DMD: variants seen among roughly 807,000 people sequenced by gnomAD.
The protein encoded by DMD is dystrophin, also known as mutant dystrophin.
A neutral mutation model predicts 330.1 loss-of-function variants in DMD; 63 were observed. The observed-to-expected ratio is 0.19, with a 90% CI of 0.16 to 0.24. The LOEUF is 0.24. Among genes scored for constraint, DMD ranks in the 10% least tolerant of loss-of-function variants. The pLI, the probability that DMD is intolerant of heterozygous loss-of-function variation, is 1.00. For missense variants in DMD, 3,344 were observed against 2,684.1 expected (o/e 1.25, Z -5.43); for synonymous variants, 1,223 against 959.8 (o/e 1.27, Z -5.07).
intron 44 of DMD, among the ~76,000 whole-genome samples, chrX:32,179,298 A>C (rs1226817620): frequency 1.8e-5 from 2 of 111,517 alleles, no homozygotes; most frequent in African/African-American, 6.5e-5. Context: ...TTCTTCCTTT[A>C]GTAACGAAAA....
chrX:32,951,714 T>A (rs1413350785), intron 2 of DMD, among the ~76,000 whole-genome samples: 2 of 111,874 alleles, frequency 1.8e-5, no homozygotes, highest in African/African-American at 6.5e-5. Context: ...AGGACTAATT[T>A]GCAATGATCT....
chrX:32,117,920 C>T (rs1438080759), intron 44 of DMD, among the ~76,000 whole-genome samples: 1 of 111,398 alleles, frequency 9.0e-6, no homozygotes, highest in African/African-American at 3.3e-5. Flanking sequence ...CTGGGCAGAA[C>T]AGAATCTCAG....
chrX:32,216,643 C>T (rs183045830), intron 44 of DMD, among the ~76,000 whole-genome samples: 108 of 111,570 alleles, frequency 9.7e-4, no homozygotes, highest in Non-Finnish European at 1.7e-3. Context: ...CTTGCTGTTA[C>T]GATGCTTCCC....
At chrX:32,412,269 T>C (rs72468652) in intron 29 of DMD, 10 of 960,749 alleles carry the variant, frequency 1.0e-5, no homozygotes, top group Non-Finnish European at 1.4e-5. Context: ...GTTCAAGAGA[T>C]TTGGTTTGCT....
intron 28 of DMD, among the ~76,000 whole-genome samples, chrX:32,439,414 G>A (rs1041282713): frequency 9.0e-6 from 1 of 111,269 alleles, no homozygotes; most frequent in East Asian, 2.8e-4. Context: ...GTAGAACAAT[G>A]TGATTGTTAA....
intron 2 of DMD, among the ~76,000 whole-genome samples, chrX:32,879,011 A>AAAAAAAC (rs759446184): frequency 9.5e-6 from 1 of 105,099 alleles, no homozygotes; most frequent in African/African-American, 3.5e-5. Flanking sequence ...ACGTCTCAAA[A>AAAAAAAC]AAAAAACAAA....
intron 67 of DMD, among the ~76,000 whole-genome samples, chrX:31,202,055 G>A (rs763473638): frequency 2.7e-5 from 3 of 110,724 alleles, no homozygotes; most frequent in Admixed American, 9.6e-5. Context: ...CATGGTGGCA[G>A]GCACCCTGTA....
chrX:32,586,224 G>A (rs190697718), intron 13 of DMD, among the ~76,000 whole-genome samples: 2 of 110,397 alleles, frequency 1.8e-5, no homozygotes, highest in Non-Finnish European at 1.9e-5. Context: ...GCTCAAAATA[G>A]CCAAAGGTGT....
At chrX:33,018,910 T>C (rs1437872251) in intron 2 of DMD, among the ~76,000 whole-genome samples, 1 of 111,777 alleles carries the variant, frequency 8.9e-6, no homozygotes, top group Non-Finnish European at 1.9e-5. Flanking sequence ...GTTGAGGATT[T>C]AAAAAACGTT....
At chrX:31,481,855 T>C (rs1182075738) in intron 57 of DMD, among the ~76,000 whole-genome samples, 2 of 111,551 alleles carry the variant, frequency 1.8e-5, no homozygotes, top group Admixed American at 1.9e-4. Context: ...ATTTCCAGAT[T>C]GTAAAACATG....
intron 37 of DMD, among the ~76,000 whole-genome samples, chrX:32,352,194 G>A (rs1311942721): frequency 9.1e-6 from 1 of 110,291 alleles, no homozygotes; most frequent in East Asian, 2.8e-4. Flanking sequence ...ACTAGATGAG[G>A]ATGTATTCAG....
intron 1 of DMD, among the ~76,000 whole-genome samples, chrX:33,227,262 C>T (rs960841828): frequency 9.0e-6 from 1 of 110,914 alleles, no homozygotes; most frequent in Non-Finnish European, 1.9e-5. Flanking sequence ...CTTCAGCAAA[C>T]TTGTAGGCTC....
Position 31,120,876 on chromosome X carries a change from TCAATCAATCAACCAAC to T in DMD, c.*1027_*1042del, listed in dbSNP as rs1426475148. 1 of 110,874 alleles carries T rather than the reference TCAATCAATCAACCAAC, an allele frequency of 9.0e-6. No homozygotes were observed. Among genetic ancestry groups the T allele is most frequent in the South Asian group, 3.7e-4 (1 of 2,676 alleles). The allele number at this position is 110,874 out of a possible 1,213,427, so 9.1% of individuals were successfully genotyped here. ...GCAGGAAGCTGAATGTATCAATCAA[TCAATCAATCAACCAAC>T]CAACCGATTACTCACTCTGATATAA... is the stretch of plus-strand genomic sequence containing the variant. On this transcript the variant is annotated 3_prime_UTR_variant, in exon 79 of 79. Transcript: ENST00000357033.
In DMD at chrX:31,444,533, G is replaced by A. The variant is rs143925896; in HGVS notation, c.9032C>T (p.Pro3011Leu). 9.9e-6 allele frequency: 12 copies of A among 1,209,881 alleles called. No homozygotes were observed. Among genetic ancestry groups the A allele is most frequent in the East Asian group, 5.9e-5 (2 of 33,763 alleles). The change falls in exon 60 of 79, where the codon CCG (proline) becomes CTG (leucine). Residue 3011 changes from proline (P) to leucine (L), a missense_variant. By Grantham distance (98) the Pro-to-Leu change is moderately conservative. Coordinates refer to ENST00000357033, the MANE Select transcript of DMD (RefSeq NM_004006.3). Reference protein sequence around the residue: ...QLTTLGIQLSPYNLSTLEDLN... With the variant: ...QLTTLGIQLSLYNLSTLEDLN... ...GTCTTCCAGAGTGCTGAGGTTATAC[G>A]GTGAGAGCTGAATGCCCAAAGTGGT...
intron 1 of DMD, among the ~76,000 whole-genome samples, chrX:33,106,053 AC>A (rs763088737): frequency 0.23 from 4,254 of 18,378 alleles, 68 homozygotes; most frequent in East Asian, 0.53. Flanking sequence ...AGATACACAC[AC>A]CACACACACA....
chrX:33,243,880 A>C (rs2052625972), intron 1 of DMD, among the ~76,000 whole-genome samples: 1 of 111,632 alleles, frequency 9.0e-6, no homozygotes, highest in Non-Finnish European at 1.9e-5. Context: ...ATGGGGAATC[A>C]GAAGGGTGGA....
chrX:31,773,869 G>A, intron 51 of DMD, 91 bp downstream of exon 51: 2 of 779,740 alleles, frequency 2.6e-6, no homozygotes, highest in East Asian at 3.3e-5. Flanking sequence ...CTAAGAACTG[G>A]TGGGAAATGG....
intron 1 of DMD, among the ~76,000 whole-genome samples, chrX:33,300,111 G>C (rs1023479292): frequency 8.9e-6 from 1 of 112,390 alleles, no homozygotes; most frequent in African/African-American, 3.2e-5. Context: ...AGTGGAAACA[G>C]CCACTTCACA....
intron 1 of DMD, among the ~76,000 whole-genome samples, chrX:33,095,727 A>G (rs5972749): frequency 0.21 from 23,272 of 110,486 alleles, 2,943 homozygotes; most frequent in African/African-American, 0.48. Flanking sequence ...TCAAAGGAGC[A>G]TGCTTGGTAT....
Sources: allele counts gnomAD v4.1 joint callset (sites outside exome capture counted in the v4.1 genomes callset), GRCh38; gene constraint gnomAD v4.1.1; transcripts MANE v1.5; gene names NCBI Gene and HGNC (gene_info 2026-07-23, HGNC 2026-07-21).